PDE1A: variants seen among roughly 807,000 people sequenced by gnomAD.
PDE1A encodes the protein dual specificity calcium/calmodulin-dependent 3',5'-cyclic nucleotide phosphodiesterase 1A.
PDE1A carries 35 observed loss-of-function variants against 61.7 expected under a neutral mutation model. The ratio of observed to expected loss-of-function variants is 0.57; its 90% CI spans 0.43 to 0.75. The LOEUF (loss-of-function observed/expected upper bound fraction) is 0.75. Ranked by LOEUF, PDE1A falls within the 30% of genes least tolerant of loss-of-function variation. The pLI is 0.00. For synonymous variants in PDE1A, 232 were observed against 213.2 expected, an observed-to-expected ratio of 1.09 and a Z score of -0.77; for missense variants, 597 against 630.6, an observed-to-expected ratio of 0.95 and a Z score of 0.57.
intron 1 of PDE1A, among the ~76,000 whole-genome samples, chr2:182,417,431 C>A (rs541559873): frequency 6.6e-6 from 1 of 152,264 alleles, no homozygotes; most frequent in East Asian, 1.9e-4. Flanking sequence ...GTCTGAAATA[C>A]CACCTAATTT....
chr2:182,527,340 A>G (rs1417491802), upstream of PDE1A, among the ~76,000 whole-genome samples: 9 of 7,252 alleles, frequency 1.2e-3, no homozygotes, highest in African/African-American at 3.8e-3. Flanking sequence ...ATATATATAT[A>G]TATATATATA....
chr2:182,149,012 T>C (rs150953358), intron 13 of PDE1A, among the ~76,000 whole-genome samples: 2 of 152,280 alleles, frequency 1.3e-5, no homozygotes, highest in African/African-American at 4.8e-5. Flanking sequence ...TTCTTTGAAA[T>C]TCTTGTCTCA....
chr2:182,431,527 T>C (rs1240768594), upstream of PDE1A, among the ~76,000 whole-genome samples: 1 of 152,160 alleles, frequency 6.6e-6, no homozygotes, highest in Non-Finnish European at 1.5e-5. Flanking sequence ...GAGGAAAAAC[T>C]ACTGCATATA....
chr2:182,675,666 G>C, the PDE1A span, among the ~76,000 whole-genome samples: 1 of 152,030 alleles, frequency 6.6e-6, no homozygotes, highest in Non-Finnish European at 1.5e-5. Context: ...GTATTACATG[G>C]TATCTCATTG....
the PDE1A span, among the ~76,000 whole-genome samples, chr2:182,580,811 A>G: frequency 6.6e-6 from 1 of 152,126 alleles, no homozygotes; most frequent in Non-Finnish European, 1.5e-5. Flanking sequence ...CCGCTCAACA[A>G]TGGCCTTAGT....
chr2:182,571,615 A>T, the PDE1A span, among the ~76,000 whole-genome samples: 4 of 152,062 alleles, frequency 2.6e-5, no homozygotes, highest in African/African-American at 9.7e-5. Context: ...CTTTCCTGTT[A>T]TGTGAGAGCA....
chr2:182,360,483 G>A (rs981978334), intron 1 of PDE1A, among the ~76,000 whole-genome samples: 3 of 150,768 alleles, frequency 2.0e-5, no homozygotes, highest in Middle Eastern at 3.2e-3. Flanking sequence ...GGGATAGAAG[G>A]ATCCCTTATT....
the PDE1A span, among the ~76,000 whole-genome samples, chr2:182,546,577 C>A: frequency 6.6e-6 from 1 of 152,204 alleles, no homozygotes; most frequent in Admixed American, 6.5e-5. Context: ...AAAAGAACAG[C>A]AACTTCATCA....
chr2:182,655,225 A>G, the PDE1A span, among the ~76,000 whole-genome samples: 3 of 152,106 alleles, frequency 2.0e-5, no homozygotes, highest in Admixed American at 6.5e-5. Context: ...CTCCCATAAT[A>G]AATCCATTCT....
At chr2:182,522,484 A>G in intron 1 of PDE1A, 1 of 1,553,088 alleles carries the variant, frequency 6.4e-7, no homozygotes, top group Non-Finnish European at 8.7e-7. Flanking sequence ...TCTCTTATCT[A>G]TCAAAACAGT....
At chr2:182,272,439 C>T (rs548095133) in intron 1 of PDE1A, among the ~76,000 whole-genome samples, 1 of 152,292 alleles carries the variant, frequency 6.6e-6, no homozygotes, top group South Asian at 2.1e-4. Context: ...GAATTCTATA[C>T]TCAGCCAAAC....
At chr2:182,414,310 T>C (rs185327654) in intron 1 of PDE1A, among the ~76,000 whole-genome samples, 1 of 152,272 alleles carries the variant, frequency 6.6e-6, no homozygotes, top group East Asian at 1.9e-4. Context: ...GTTATGAAGA[T>C]ATCACCTAAG....
At chr2:182,472,145 T>C (rs1018129205) in intron 2 of PDE1A, among the ~76,000 whole-genome samples, 8 of 152,042 alleles carry the variant, frequency 5.3e-5, no homozygotes, top group African/African-American at 1.4e-4. Flanking sequence ...GAAAACAGTA[T>C]GGAGATTTCT....
chr2:182,443,910 T>C (rs757953577), intron 2 of PDE1A, among the ~76,000 whole-genome samples: 2 of 151,868 alleles, frequency 1.3e-5, no homozygotes, highest in Non-Finnish European at 2.9e-5. Context: ...TCCATGTTGG[T>C]CAGGTTGGTC....
rs77770405 is a variant in PDE1A, at chr2:182,402,188, T to C, written c.53+24390A>G. Among the ~76,000 whole-genome samples the C allele has an allele frequency of 7.2e-5, 11 of 152,288 alleles. No individual in the cohort carries two copies. The South Asian group carries it at 2.3e-3, about 32-fold the overall frequency. The stretch of plus-strand genomic sequence containing the variant: ...GAAAAAAAATACTTTAAATTTCATA[T>C]GGACCCAAAAAACAGCCCGCATAGC... On this transcript the variant is annotated intron_variant, in intron 1 of 13. Coordinates refer to ENST00000351439, the Ensembl canonical transcript of PDE1A.
At chr2:182,595,978 C>T in the PDE1A span, among the ~76,000 whole-genome samples, 3 of 152,274 alleles carry the variant, frequency 2.0e-5, no homozygotes, top group South Asian at 6.2e-4. Flanking sequence ...GTTGAGGCAG[C>T]AGCACTTTTA....
At chr2:182,522,414 C>T (rs774879739) in intron 1 of PDE1A, 7 of 1,611,936 alleles carry the variant, frequency 4.3e-6, no homozygotes, top group Non-Finnish European at 5.9e-6. Flanking sequence ...CAGTCAGTTT[C>T]AGCAGCTAGA....
chr2:182,241,918 A>G (rs778941608), intron 2 of PDE1A: 8 of 1,529,666 alleles, frequency 5.2e-6, no homozygotes, highest in African/African-American at 1.4e-5. Flanking sequence ...TGCCCATTTG[A>G]AATTAGATTC....
the PDE1A span, among the ~76,000 whole-genome samples, chr2:182,709,275 T>C: frequency 6.6e-6 from 1 of 152,206 alleles, no homozygotes; most frequent in African/African-American, 2.4e-5. Context: ...ATATAACTCA[T>C]TTGACAAATA....
Sources: allele counts gnomAD v4.1 joint callset (sites outside exome capture counted in the v4.1 genomes callset), GRCh38; gene constraint gnomAD v4.1.1; transcripts MANE v1.5; gene names NCBI Gene and HGNC (gene_info 2026-07-23, HGNC 2026-07-21).